The following LIN9 variants were observed in gnomAD, a reference collection of about 807,000 sequenced individuals.
The protein encoded by LIN9 is protein lin-9 homolog.
LIN9 carries 18 observed loss-of-function variants against 78.0 expected under a neutral mutation model. That is an observed-to-expected ratio of 0.23 (90% CI 0.16 to 0.34). LIN9 has a LOEUF of 0.34. Ranked by LOEUF, LIN9 falls within the 10% of genes least tolerant of loss-of-function variation. LIN9 has a pLI of 1.00. For missense variants in LIN9, 451 were observed against 644.1 expected, an observed-to-expected ratio of 0.70 and a Z score of 3.25; for synonymous variants, 192 against 215.2, an observed-to-expected ratio of 0.89 and a Z score of 0.94.
intron 12 of LIN9, among the ~76,000 whole-genome samples, chr1:226,234,263 A>G (rs1258711592): frequency 6.6e-6 from 1 of 152,194 alleles, no homozygotes; most frequent in Non-Finnish European, 1.5e-5. Flanking sequence ...GCATCTGTTG[A>G]TGATTCTTGT....
chr1:226,298,470 A>G (rs1662297630), intron 2 of LIN9, among the ~76,000 whole-genome samples: 1 of 152,210 alleles, frequency 6.6e-6, no homozygotes, highest in Non-Finnish European at 1.5e-5. Flanking sequence ...AGTGTCTCAA[A>G]GTGTTGAGAT....
intron 6 of LIN9, among the ~76,000 whole-genome samples, chr1:226,284,783 C>T (rs981692416): frequency 3.3e-5 from 5 of 152,142 alleles, no homozygotes; most frequent in Admixed American, 6.5e-5. Context: ...AACTTATAGA[C>T]TAATTTAGGA....
intron 11 of LIN9, among the ~76,000 whole-genome samples, chr1:226,250,452 A>G (rs1658761915): frequency 6.6e-6 from 1 of 152,226 alleles, no homozygotes; most frequent in Admixed American, 6.5e-5. Context: ...TGGCATAATG[A>G]GGTCTGGGGC....
Position 226,232,469 on chromosome 1 carries a change from G to A in LIN9, c.*32C>T, listed in dbSNP as rs1339744498. 7.2e-7 allele frequency: 1 copy of A among 1,390,596 alleles called. No homozygotes were observed. Among genetic ancestry groups the A allele is most frequent in the Non-Finnish European group, 1.0e-6 (1 of 985,914 alleles). 86.1% of individuals were successfully genotyped at this position (1,390,596 alleles called of 1,614,324 possible). On this transcript the variant is annotated 3_prime_UTR_variant, in exon 15 of 15. Transcript: ENST00000681046. ...AGGAAAAGAACTTCTCAAAAACAATGTCCCGTGCAGTTGGAATAATGAAAT... is the reference window on the plus strand; with the variant it reads ...AGGAAAAGAACTTCTCAAAAACAATATCCCGTGCAGTTGGAATAATGAAAT...
chr1:226,244,371 G>A (rs1477398902), intron 11 of LIN9, among the ~76,000 whole-genome samples: 1 of 152,088 alleles, frequency 6.6e-6, no homozygotes, highest in Non-Finnish European at 1.5e-5. Context: ...GGCAGACGTT[G>A]CAGTGAGCCG....
chr1:226,238,000 C>T lies in LIN9; in HGVS notation c.1245+971G>A, dbSNP rs558672984. 4.0e-5 allele frequency among the ~76,000 whole-genome samples: 6 copies of T among 151,658 alleles called. No individual in the cohort carries two copies. In the East Asian group the frequency reaches 1.2e-3, roughly 29 times the overall value. On this transcript the variant is annotated intron_variant, in intron 12 of 14. Transcript: ENST00000681046. ...GATATCACAAATAGAGGTGGCTTTC[C>T]TGGAAACACACAACCTCAAAGTATG...
In LIN9 at chr1:226,233,457, C is replaced by G; in HGVS notation, c.1312G>C (p.Glu438Gln). ...GCATGCCGAACAATTTCCTGTGCTT[C>G]TTCCTCACACCTGCGTCTCATATCT... The part of the protein sequence containing the change: ...PTDMRRRCEE[E>Q]AQEIVRHANS... Residue 438 changes from glutamate (E) to glutamine (Q), a missense_variant, in exon 13 of 15, where the codon GAA becomes CAA. By Grantham distance (29) the Glu-to-Gln change is conservative. Transcript: ENST00000681046. 6.2e-7 allele frequency: 1 copy of G among 1,614,178 alleles called. No homozygotes were observed.
intron 10 of LIN9, among the ~76,000 whole-genome samples, chr1:226,258,474 A>G (rs924423558): frequency 6.6e-6 from 1 of 151,734 alleles, no homozygotes; most frequent in Non-Finnish European, 1.5e-5. Context: ...GTCTCAAAAA[A>G]AAAAAAAAAA....
chr1:226,301,324 G>A, intron 1 of LIN9, 119 bp from the exon 2 acceptor site: 3 of 654,912 alleles, frequency 4.6e-6, no homozygotes, highest in Non-Finnish European at 5.3e-6. Context: ...TTGAAGAGAT[G>A]GTGGAATGTG....
At chr1:226,275,693 GAAAAAAAA>G (rs1272770989) in intron 7 of LIN9, among the ~76,000 whole-genome samples, 1 of 128,750 alleles carries the variant, frequency 7.8e-6, no homozygotes, top group Non-Finnish European at 1.6e-5. Flanking sequence ...CTCCGTCTCA[GAAAAAAAA>G]AAAAAAAAAA....
Position 226,232,142 on chromosome 1 carries a change from C to T in LIN9, c.*359G>A. On this transcript the variant is annotated 3_prime_UTR_variant, in exon 15 of 15. Transcript: ENST00000681046. ...AAAAGACCAGGTTTCTTCATACTCTCCATTGCAGCAGTTGTCTGCATGTGT... is the reference window on the plus strand; with the variant it reads ...AAAAGACCAGGTTTCTTCATACTCTTCATTGCAGCAGTTGTCTGCATGTGT... 2.5e-6 allele frequency: 1 copy of T among 399,330 alleles called. No individual in the cohort carries two copies. Among genetic ancestry groups the T allele is most frequent in the Non-Finnish European group, 4.4e-6 (1 of 226,406 alleles). The allele number at this position is 399,330 out of a possible 1,614,324, so 24.7% of individuals were successfully genotyped here.
At chr1:226,280,511 C>T (rs562925438) in intron 6 of LIN9, among the ~76,000 whole-genome samples, 9 of 152,258 alleles carry the variant, frequency 5.9e-5, no homozygotes, top group South Asian at 2.1e-4. Flanking sequence ...GGCGCAGTGG[C>T]TCACACCTGT....
intron 10 of LIN9, among the ~76,000 whole-genome samples, chr1:226,251,313 C>T (rs540955320): frequency 1.3e-5 from 2 of 151,840 alleles, no homozygotes; most frequent in South Asian, 2.1e-4. Flanking sequence ...CGGCAACCTC[C>T]GCCTCCCAGG....
At chr1:226,293,001 C>T (rs1267733282) in intron 4 of LIN9, among the ~76,000 whole-genome samples, 2 of 152,074 alleles carry the variant, frequency 1.3e-5, no homozygotes, top group Non-Finnish European at 2.9e-5. Flanking sequence ...GTGCTTAGAA[C>T]AGGACTCAAC....
At chr1:226,288,538 A>C (rs1225730852) in intron 4 of LIN9, among the ~76,000 whole-genome samples, 3 of 152,226 alleles carry the variant, frequency 2.0e-5, no homozygotes, top group African/African-American at 7.2e-5. Context: ...TGTAACAATT[A>C]AAAACAGTAA....
At chr1:226,284,672 C>T (rs761117255) in intron 6 of LIN9, among the ~76,000 whole-genome samples, 1 of 152,078 alleles carries the variant, frequency 6.6e-6, no homozygotes, top group African/African-American at 2.4e-5. Flanking sequence ...TGCAGTAAGC[C>T]GAGATCACGC....
In LIN9 at chr1:226,287,879, G is replaced by T. The variant is rs57762057; in HGVS notation, c.265-82C>A. ...TATAACCCTGAATAAATTTGCAAAA[G>T]GTAAATTATGTTTAAGTACTTAAAA... On this transcript the variant is annotated intron_variant, in intron 4 of 14. Transcript: ENST00000681046. The T allele has an allele frequency of 0.013, 12,328 of 979,248 alleles. 1,037 individuals are homozygous for T. The African/African-American group carries it at 0.19, about 15-fold the overall frequency. The allele number at this position is 979,248 out of a possible 1,614,324, so 60.7% of individuals were successfully genotyped here.
intron 7 of LIN9, among the ~76,000 whole-genome samples, chr1:226,276,027 CA>C (rs1310441158): frequency 6.6e-6 from 1 of 152,078 alleles, no homozygotes; most frequent in Non-Finnish European, 1.5e-5. Context: ...GACTTTGTCT[CA>C]AAAAACAAAA....
chr1:226,257,115 A>G (rs1659253431), intron 10 of LIN9, among the ~76,000 whole-genome samples: 1 of 151,750 alleles, frequency 6.6e-6, no homozygotes, highest in Non-Finnish European at 1.5e-5. Flanking sequence ...AGGCCCGGCT[A>G]ATTTTTGTAT....
Sources: gnomAD v4.1 joint callset for allele counts (sites outside exome capture counted in the v4.1 genomes callset) on GRCh38, gnomAD v4.1.1 for gene constraint, MANE v1.5 for transcripts, NCBI Gene and HGNC (gene_info 2026-07-23, HGNC 2026-07-21) for gene names.